TNR: variants seen among roughly 807,000 people sequenced by gnomAD.
The protein encoded by TNR is tenascin-R.
In TNR, 45 loss-of-function variants were observed where a neutral mutation model predicts 150.4. The observed-to-expected ratio is 0.30, with a 90% CI of 0.24 to 0.38. TNR has a LOEUF of 0.38. Ranked by LOEUF, TNR falls within the 10% of genes least tolerant of loss-of-function variation. The pLI is 1.00. For missense variants in TNR, 1,544 were observed against 1,759.1 expected, an observed-to-expected ratio of 0.88 and a Z score of 2.19; for synonymous variants, 687 against 678.4, an observed-to-expected ratio of 1.01 and a Z score of -0.20.
At chr1:175,604,759 T>C (rs1663357260) in intron 1 of TNR, among the ~76,000 whole-genome samples, 1 of 152,160 alleles carries the variant, frequency 6.6e-6, no homozygotes, top group Admixed American at 6.5e-5. Flanking sequence ...CCTGTGCACC[T>C]CCCATTTATG....
rs201240763 is a variant in TNR at position 175,406,612 on chromosome 1, C to A, written c.103G>T (p.Val35Phe). Residue 35 changes from valine to phenylalanine, a missense_variant, in exon 3 of 23, where the codon GTC becomes TTC. Val to Phe is a conservative substitution (Grantham distance 50, BLOSUM62 -1). This residue lies in a region of TNR where 1,254 missense variants were observed against 1,329.4 expected (regional missense o/e 0.94). Coordinates refer to ENST00000367674, the MANE Select transcript of TNR (RefSeq NM_003285.3). Reference sequence around the variant, plus strand: ...TGTCTCTGGACCCTTTCTGTGGTGACCTCCAGCTGACACTCTGAAGGCTTG... The same window carrying A: ...TGTCTCTGGACCCTTTCTGTGGTGAACTCCAGCTGACACTCTGAAGGCTTG... ...MIKPSECQLE[V>F]TTERVQRQSV... 1 of 1,614,112 alleles carries A rather than the reference C, an allele frequency of 6.2e-7. No homozygotes were observed. The highest frequency in any genetic ancestry group is 1.1e-5 in the South Asian group (1 of 91,092).
At chr1:175,509,785 T>C (rs991089039) in intron 2 of TNR, among the ~76,000 whole-genome samples, 10 of 152,258 alleles carry the variant, frequency 6.6e-5, no homozygotes, top group Admixed American at 5.9e-4. Flanking sequence ...CTTTGTTAAA[T>C]GTAGAGATCT....
chr1:175,580,012 C>A (rs900384314), intron 1 of TNR, among the ~76,000 whole-genome samples: 1 of 152,100 alleles, frequency 6.6e-6, no homozygotes, highest in Non-Finnish European at 1.5e-5. Context: ...TGGAGACAGG[C>A]CCCCACCATC....
chr1:175,469,054 T>G (rs963201536), intron 2 of TNR, among the ~76,000 whole-genome samples: 1 of 152,028 alleles, frequency 6.6e-6, no homozygotes, highest in Non-Finnish European at 1.5e-5. Flanking sequence ...AGTTTGGAGA[T>G]TGCCACCTAA....
rs1167213870 is a variant in TNR at position 175,365,095 on chromosome 1, C to T, written c.2502G>A (p.Leu834=). The T allele has an allele frequency of 1.2e-6, 2 of 1,613,968 alleles. No individual in the cohort carries two copies. Among genetic ancestry groups the T allele is most frequent in the African/African-American group, 2.7e-5 (2 of 74,912 alleles). Reference sequence around the variant, plus strand: ...TCACAATATACTCTGTGGCTGGTTGCAGGCCCATCAGGACAGCATGCCTCT... The same window carrying T: ...TCACAATATACTCTGTGGCTGGTTGTAGGCCCATCAGGACAGCATGCCTCT... ...ATKRHAVLMG[L]QPATEYIVNL... The change falls in exon 12 of 23, where the codon CTG becomes CTA. Residue 834 remains leucine, a synonymous_variant. Transcript: ENST00000367674.
rs767921747 is a variant in TNR, at chr1:175,743,595, T to G, written c.-534A>C. On this transcript the variant is annotated 5_prime_UTR_variant, in exon 1 of 23. Coordinates refer to ENST00000367674, the MANE Select transcript of TNR (RefSeq NM_003285.3). Reference sequence around the variant, plus strand: ...GCACAGTCGGTTCCTGCCTCTGACGTGAAAGAGAGGAGGAAGCCTGGGACT... The same window carrying G: ...GCACAGTCGGTTCCTGCCTCTGACGGGAAAGAGAGGAGGAAGCCTGGGACT... The G allele has an allele frequency of 4.0e-5, 6 of 150,960 alleles. No individual in the cohort carries two copies. The highest frequency in any genetic ancestry group is 8.8e-5 in the Non-Finnish European group (6 of 67,976). 9.4% of individuals were successfully genotyped at this position (150,960 alleles called of 1,614,324 possible).
chr1:175,499,335 GA>G (rs1658629932), intron 2 of TNR, among the ~76,000 whole-genome samples: 2 of 152,172 alleles, frequency 1.3e-5, no homozygotes, highest in African/African-American at 4.8e-5. Flanking sequence ...TGGGCCAGCA[GA>G]ACTCTAAGGG....
chr1:175,434,933 G>A (rs1192909343), intron 2 of TNR, among the ~76,000 whole-genome samples: 1 of 152,164 alleles, frequency 6.6e-6, no homozygotes, highest in Non-Finnish European at 1.5e-5. Flanking sequence ...CACCAGGCTA[G>A]GGTAATAGTT....
At chr1:175,693,205 T>C (rs1441834591) in intron 1 of TNR, among the ~76,000 whole-genome samples, 1 of 152,252 alleles carries the variant, frequency 6.6e-6, no homozygotes, top group East Asian at 1.9e-4. Flanking sequence ...GCTTGCTCTC[T>C]GTTACCTCTC....
chr1:175,556,404 G>A (rs760650), intron 1 of TNR, among the ~76,000 whole-genome samples: 104,128 of 152,138 alleles, frequency 0.68, 35,877 homozygotes, highest in Admixed American at 0.76. Flanking sequence ...ATTTTAGCAT[G>A]CATCTTTCAT....
chr1:175,512,776 G>A (rs989967020), intron 2 of TNR, among the ~76,000 whole-genome samples: 4 of 152,196 alleles, frequency 2.6e-5, no homozygotes, highest in Admixed American at 6.5e-5. Flanking sequence ...TCCTGGAAAC[G>A]CATTAGTTCC....
In TNR at chr1:175,695,501, G is replaced by A. The variant is rs78536071; in HGVS notation, c.-165+47725C>T. Among the ~76,000 whole-genome samples, 67 of 152,260 alleles carry A rather than the reference G, an allele frequency of 4.4e-4. 2 individuals are homozygous for A. Among genetic ancestry groups the A allele is most frequent in the African/African-American group, 1.5e-3 (64 of 41,520 alleles). ...TGCTAAATTCTAGGGCAACTTGTTA[G>A]GCAGAAATAGATAATTAGTACGGTT... On this transcript the variant is annotated intron_variant, in intron 1 of 22. Transcript: ENST00000367674.
intron 2 of TNR, among the ~76,000 whole-genome samples, chr1:175,415,312 C>A (rs571695067): frequency 6.6e-6 from 1 of 152,200 alleles, no homozygotes; most frequent in African/African-American, 2.4e-5. Flanking sequence ...TGGGAGAACT[C>A]GGAGCCAGCT....
intron 2 of TNR, among the ~76,000 whole-genome samples, chr1:175,480,782 G>T (rs1482790425): frequency 6.6e-6 from 1 of 151,896 alleles, no homozygotes; most frequent in East Asian, 1.9e-4. Context: ...CTTTTTTTCT[G>T]ACCTCCCTCT....
chr1:175,631,707 GGTGTGTGTGTTT>G lies in TNR; in HGVS notation c.-164-103350_-164-103339del, dbSNP rs1664333228. Among the ~76,000 whole-genome samples the G allele has an allele frequency of 2.6e-5, 4 of 151,944 alleles. No individual in the cohort carries two copies. In the South Asian group the frequency reaches 8.3e-4, roughly 32 times the overall value. ...GTGTATGAGTGTGTGTGAGTGTGAGGGTGTGTGTGTTTGTGTGTGTGATGTGTGTGTTGTGTA... is the reference window on the plus strand; with the variant it reads ...GTGTATGAGTGTGTGTGAGTGTGAGGGTGTGTGTGATGTGTGTGTTGTGTA... On this transcript the variant is annotated intron_variant, in intron 1 of 22. Transcript: ENST00000367674.
At chr1:175,701,582 GT>G (rs1666696825) in intron 1 of TNR, among the ~76,000 whole-genome samples, 1 of 152,244 alleles carries the variant, frequency 6.6e-6, no homozygotes, top group Non-Finnish European at 1.5e-5. Flanking sequence ...AAAGTGGAAT[GT>G]GGCTTCTACA....
At chr1:175,526,802 G>A (rs1659864566) in intron 2 of TNR, among the ~76,000 whole-genome samples, 1 of 152,236 alleles carries the variant, frequency 6.6e-6, no homozygotes, top group Non-Finnish European at 1.5e-5. Flanking sequence ...GAGGGGACCT[G>A]GCTGCCTACC....
At chr1:175,524,013 G>T (rs138182775) in intron 2 of TNR, among the ~76,000 whole-genome samples, 2 of 151,834 alleles carry the variant, frequency 1.3e-5, no homozygotes, top group Non-Finnish European at 2.9e-5. Flanking sequence ...TCTTTTTCTC[G>T]TTTCTCTTCT....
At chr1:175,604,270 G>A (rs1663344556) in intron 1 of TNR, among the ~76,000 whole-genome samples, 1 of 152,206 alleles carries the variant, frequency 6.6e-6, no homozygotes, top group South Asian at 2.1e-4. Flanking sequence ...CAGCAGGCCA[G>A]TGTTCAGGTG....
Sources: allele counts gnomAD v4.1 joint callset (sites outside exome capture counted in the v4.1 genomes callset), GRCh38; gene constraint gnomAD v4.1.1; regional missense constraint gnomAD v4.1.1; transcripts MANE v1.5; gene names NCBI Gene and HGNC (gene_info 2026-07-23, HGNC 2026-07-21).